The following SLC13A3 variants were observed in gnomAD, a reference collection of about 807,000 sequenced individuals.
The protein encoded by SLC13A3 is solute carrier family 13 member 3, also known as Na(+)/dicarboxylate cotransporter 3.
In SLC13A3, 40 loss-of-function variants were observed where a neutral mutation model predicts 59.0. That is an observed-to-expected ratio of 0.68 (90% confidence interval 0.53 to 0.88). SLC13A3 has a LOEUF of 0.88. Ranked by LOEUF, SLC13A3 falls within the 40% of genes least tolerant of loss-of-function variation. SLC13A3 has a pLI of 0.00. For missense variants in SLC13A3, 699 were observed against 783.2 expected (o/e 0.89, Z 1.28); for synonymous variants, 317 against 330.3 (o/e 0.96, Z 0.44).
chr20:46,644,207 A>G lies in SLC13A3; in HGVS notation c.111+7104T>C, dbSNP rs555470153. On this transcript the variant is annotated intron_variant, in intron 1 of 12. Coordinates refer to ENST00000279027, the MANE Select transcript of SLC13A3 (RefSeq NM_022829.6). Reference sequence around the variant, plus strand: ...GTTTCCTTTTTGTGGGGGTTAAACTAGAATGAGCACCAGTTTACGATGGCA... The same window carrying G: ...GTTTCCTTTTTGTGGGGGTTAAACTGGAATGAGCACCAGTTTACGATGGCA... Among the ~76,000 whole-genome samples, 286 of 152,302 alleles carry G rather than the reference A, an allele frequency of 1.9e-3. 2 individuals carry two copies. The highest frequency in any genetic ancestry group is 3.4e-3 in the Middle Eastern group (1 of 294).
intron 3 of SLC13A3, among the ~76,000 whole-genome samples, chr20:46,607,211 T>C (rs760898759): frequency 3.3e-5 from 5 of 152,156 alleles, no homozygotes; most frequent in African/African-American, 9.7e-5. Flanking sequence ...CTAATGAGTA[T>C]AAAAAAATTA....
intron 1 of SLC13A3, among the ~76,000 whole-genome samples, chr20:46,664,535 T>G (rs13038390): frequency 0.39 from 59,235 of 152,152 alleles, 13,807 homozygotes; most frequent in Non-Finnish European, 0.54. Context: ...AGGCTGTATA[T>G]ACACTAATGA....
intron 4 of SLC13A3, among the ~76,000 whole-genome samples, chr20:46,598,200 C>T (rs2062334606): frequency 6.6e-6 from 1 of 152,140 alleles, no homozygotes; most frequent in Non-Finnish European, 1.5e-5. Context: ...ACTCCTTCCC[C>T]AGAGGGCAAT....
intron 12 of SLC13A3, 44 bp downstream of exon 12, chr20:46,563,370 C>A (rs370325452): frequency 1.1e-4 from 169 of 1,593,910 alleles, no homozygotes; most frequent in Middle Eastern, 1.7e-4. Context: ...CCCTTGCGGC[C>A]CACCCACATC....
intron 1 of SLC13A3, among the ~76,000 whole-genome samples, chr20:46,679,866 C>T (rs2063145711): frequency 2.0e-5 from 3 of 150,950 alleles, no homozygotes; most frequent in South Asian, 4.2e-4. Flanking sequence ...CGAAATCACA[C>T]TACTACACTC....
chr20:46,651,545 C>T (rs149881295), upstream of SLC13A3: 299 of 1,316,228 alleles, frequency 2.3e-4, no homozygotes, highest in Non-Finnish European at 2.7e-4. Context: ...CTCCCTGCTC[C>T]TCCTGGAGGA....
intron 3 of SLC13A3, among the ~76,000 whole-genome samples, chr20:46,601,894 G>A (rs1373958693): frequency 1.3e-5 from 2 of 152,168 alleles, no homozygotes; most frequent in African/African-American, 4.8e-5. Flanking sequence ...GAAGTGGCAG[G>A]GGGTGGAGGT....
At chr20:46,623,694 T>G (rs552142404) in intron 1 of SLC13A3, among the ~76,000 whole-genome samples, 1 of 152,358 alleles carries the variant, frequency 6.6e-6, no homozygotes, top group Non-Finnish European at 1.5e-5. Flanking sequence ...TTTTAAACTC[T>G]TCTCTTTTAA....
chr20:46,588,265 G>A, intron 7 of SLC13A3, 102 bp from the exon 8 acceptor site: 1 of 651,060 alleles, frequency 1.5e-6, no homozygotes, highest in Non-Finnish European at 2.6e-6. Context: ...CTGGGCCCGG[G>A]CTCTGCCTCT....
rs752495652 is a variant in SLC13A3 at position 46,566,403 on chromosome 20, A to G, written c.1333-13T>C. ...ACAGCCCCGATTCCTGCGGAGGGAA[A>G]GGCATTCCTTCATACCCCAGCCCAT... On this transcript the variant is annotated splice_polypyrimidine_tract_variant and intron_variant, in intron 10 of 12. Coordinates refer to ENST00000279027, the MANE Select transcript of SLC13A3 (RefSeq NM_022829.6). 5.6e-6 allele frequency: 9 copies of G among 1,610,228 alleles called. No individual in the cohort carries two copies. The African/African-American group carries it at 1.1e-4, about 19-fold the overall frequency.
chr20:46,617,051 A>T (rs1346511889), intron 1 of SLC13A3, among the ~76,000 whole-genome samples: 4 of 152,214 alleles, frequency 2.6e-5, no homozygotes, highest in Non-Finnish European at 5.9e-5. Flanking sequence ...TTATAGCTTT[A>T]TATGTTTTCT....
intron 3 of SLC13A3, among the ~76,000 whole-genome samples, chr20:46,603,549 A>AT (rs111841623): frequency 0.016 from 1,977 of 126,356 alleles, 28 homozygotes; most frequent in African/African-American, 0.039. Flanking sequence ...TAATTGTTGT[A>AT]TTTTTTTTTT....
intron 1 of SLC13A3, among the ~76,000 whole-genome samples, chr20:46,640,017 C>T (rs1176573601): frequency 1.3e-5 from 2 of 152,170 alleles, no homozygotes; most frequent in Non-Finnish European, 2.9e-5. Context: ...TAATAACACA[C>T]CAGCCCACAG....
chr20:46,627,290 G>C (rs915377241), intron 1 of SLC13A3, among the ~76,000 whole-genome samples: 5 of 152,196 alleles, frequency 3.3e-5, no homozygotes, highest in African/African-American at 9.7e-5. Flanking sequence ...TCTCAAGTCT[G>C]ATTTGCACTT....
chr20:46,637,329 G>A (rs1028334966), intron 1 of SLC13A3, among the ~76,000 whole-genome samples: 3 of 152,192 alleles, frequency 2.0e-5, no homozygotes, highest in Admixed American at 2.0e-4. Context: ...CTGGGACTTC[G>A]GGATTTTGGC....
intron 10 of SLC13A3, among the ~76,000 whole-genome samples, chr20:46,572,675 C>T (rs2062040000): frequency 1.3e-5 from 2 of 152,192 alleles, no homozygotes; most frequent in South Asian, 4.1e-4. Context: ...CCATAATAAC[C>T]AACTGTGCTG....
chr20:46,684,471 G>A (rs780543833), upstream of SLC13A3: 1 of 152,194 alleles, frequency 6.6e-6, no homozygotes, highest in Non-Finnish European at 1.5e-5. Flanking sequence ...CCTTCTCCAC[G>A]TGGCAGCAGG....
At chr20:46,566,156 C>G (rs553591425) in intron 11 of SLC13A3, 73 bp downstream of exon 11, 2 of 1,309,260 alleles carry the variant, frequency 1.5e-6, no homozygotes, top group Admixed American at 1.7e-5. Context: ...CAGTGAAGGT[C>G]CCTTGGCGGG....
intron 1 of SLC13A3, among the ~76,000 whole-genome samples, chr20:46,619,448 A>G (rs577845718): frequency 4.7e-4 from 72 of 152,318 alleles, no homozygotes; most frequent in African/African-American, 1.6e-3. Flanking sequence ...ACTATTTCTC[A>G]ACTTTTGCAC....
Sources: gnomAD v4.1 joint callset for allele counts (sites outside exome capture counted in the v4.1 genomes callset) on GRCh38, gnomAD v4.1.1 for gene constraint, MANE v1.5 for transcripts, NCBI Gene and HGNC (gene_info 2026-07-23, HGNC 2026-07-21) for gene names.